CTIF: variants seen among roughly 807,000 people sequenced by gnomAD.
CTIF encodes the protein CBP80/20-dependent translation initiation factor.
A neutral mutation model predicts 66.0 loss-of-function variants in CTIF; 21 were observed. That is an observed-to-expected ratio of 0.32 (90% CI 0.23 to 0.46). The LOEUF is 0.46. Ranked by LOEUF, CTIF falls within the 20% of genes least tolerant of loss-of-function variation. CTIF has a pLI of 1.00. For synonymous variants in CTIF, 345 were observed against 326.4 expected (o/e 1.06, Z -0.62); for missense variants, 739 against 812.7 (o/e 0.91, Z 1.10).
chr18:48,734,708 A>G (rs1247897989), intron 7 of CTIF, among the ~76,000 whole-genome samples: 4 of 152,186 alleles, frequency 2.6e-5, no homozygotes, highest in African/African-American at 9.7e-5. Flanking sequence ...GACCTCACCC[A>G]CCTCATGACC....
intron 6 of CTIF, among the ~76,000 whole-genome samples, chr18:48,703,629 T>A (rs1413776454): frequency 1.3e-5 from 2 of 152,212 alleles, no homozygotes; most frequent in African/African-American, 2.4e-5. Flanking sequence ...TCAAAGATCA[T>A]GAGACTGTCA....
intron 8 of CTIF, chr18:48,760,663 T>C (rs1221214270): frequency 6.6e-6 from 1 of 152,156 alleles, no homozygotes; most frequent in Admixed American, 6.5e-5. Context: ...TACAATAAGA[T>C]GACATTTTTT....
chr18:48,861,857 T>C lies in CTIF; in HGVS notation c.*2298T>C, dbSNP rs2146709505. The stretch of plus-strand genomic sequence containing the variant: ...ACCAGAGTGTGAAGAAGAAGTGAAA[T>C]ATAAATATGTATACATATATAAATA... On this transcript the variant is annotated 3_prime_UTR_variant, in exon 12 of 12. Transcript: ENST00000256413. The C allele has an allele frequency of 6.6e-6, 1 of 152,236 alleles. No individual in the cohort carries two copies. The highest frequency in any genetic ancestry group is 2.1e-4 in the South Asian group (1 of 4,816). The allele number at this position is 152,236 out of a possible 1,614,324, so 9.4% of individuals were successfully genotyped here.
intron 1 of CTIF, among the ~76,000 whole-genome samples, chr18:48,552,257 A>G (rs116770973): frequency 9.3e-4 from 142 of 152,356 alleles, no homozygotes; most frequent in African/African-American, 3.3e-3. Flanking sequence ...AAGAAAAGCC[A>G]GTGACTTGGC....
intron 7 of CTIF, among the ~76,000 whole-genome samples, chr18:48,713,708 A>G (rs2092251902): frequency 6.6e-6 from 1 of 152,158 alleles, no homozygotes; most frequent in Non-Finnish European, 1.5e-5. Flanking sequence ...CGTGCCGTGA[A>G]ACTCATGAAA....
chr18:48,808,144 G>T (rs56248793), intron 9 of CTIF, among the ~76,000 whole-genome samples: 2,848 of 152,190 alleles, frequency 0.019, 103 homozygotes, highest in African/African-American at 0.066. Flanking sequence ...TACCAGCATT[G>T]ACAATTACCA....
intron 6 of CTIF, among the ~76,000 whole-genome samples, chr18:48,696,185 C>T (rs2092005149): frequency 1.3e-5 from 2 of 152,328 alleles, no homozygotes; most frequent in East Asian, 1.9e-4. Flanking sequence ...TGGCATGGGG[C>T]GGGGGGCTTA....
At position 48,809,127 on chromosome 18, in the gene CTIF, T is replaced by C. The variant is rs557051550; in HGVS notation, c.1372-8094T>C. On this transcript the variant is annotated intron_variant, in intron 9 of 11. Transcript: ENST00000256413. ...ATTTCTTAATAATGTCACTTAAGTA[T>C]TTTATTGCTTTATTAAATGAGCTTT... Among the ~76,000 whole-genome samples the C allele has an allele frequency of 2.0e-5, 3 of 152,348 alleles. 1 individual carries two copies. The highest frequency in any genetic ancestry group is 7.2e-5 in the African/African-American group (3 of 41,592).
intron 1 of CTIF, among the ~76,000 whole-genome samples, chr18:48,586,961 G>A (rs1568051895): frequency 6.6e-6 from 1 of 151,916 alleles, no homozygotes; most frequent in Non-Finnish European, 1.5e-5. Context: ...ACCCAGGTAA[G>A]TTCAACCTGT....
chr18:48,827,105 C>A (rs1468989437), intron 10 of CTIF, among the ~76,000 whole-genome samples: 1 of 152,110 alleles, frequency 6.6e-6, no homozygotes, highest in Non-Finnish European at 1.5e-5. Context: ...CGAGCCGTGG[C>A]CAGCTCCGGC....
intron 7 of CTIF, among the ~76,000 whole-genome samples, chr18:48,735,477 C>T (rs1363315432): frequency 2.6e-5 from 4 of 152,126 alleles, no homozygotes; most frequent in African/African-American, 4.8e-5. Flanking sequence ...GAGGGACAGC[C>T]GGCGCACAGG....
intron 6 of CTIF, among the ~76,000 whole-genome samples, chr18:48,692,162 A>C (rs1374291090): frequency 6.6e-6 from 1 of 152,168 alleles, no homozygotes; most frequent in African/African-American, 2.4e-5. Context: ...TGTCTCACTA[A>C]ATGAGACTTA....
chr18:48,746,527 C>T (rs2092597872), intron 7 of CTIF, among the ~76,000 whole-genome samples: 1 of 151,362 alleles, frequency 6.6e-6, no homozygotes, highest in African/African-American at 2.4e-5. Context: ...CTCTCTAGCT[C>T]TTGCCTGGTA....
chr18:48,588,092 C>T (rs1471812909), intron 1 of CTIF, among the ~76,000 whole-genome samples: 1 of 152,182 alleles, frequency 6.6e-6, no homozygotes, highest in African/African-American at 2.4e-5. Flanking sequence ...CAGAACTGAG[C>T]AACCCTTCGA....
intron 10 of CTIF, among the ~76,000 whole-genome samples, chr18:48,823,980 ACAC>A (rs2068533482): frequency 1.2e-5 from 1 of 81,678 alleles, no homozygotes; most frequent in African/African-American, 8.4e-5. Flanking sequence ...AAGACTCCAC[ACAC>A]ACACACACAC....
chr18:48,632,450 G>A (rs754198638), intron 2 of CTIF, among the ~76,000 whole-genome samples: 5 of 152,108 alleles, frequency 3.3e-5, no homozygotes, highest in Non-Finnish European at 5.9e-5. Flanking sequence ...CAGATCACCC[G>A]CTTTGCCTGC....
rs1452051513 is a variant in CTIF at position 48,539,287 on chromosome 18, G to A, written c.-54G>A. On this transcript the variant is annotated 5_prime_UTR_variant, in exon 1 of 12. Transcript: ENST00000256413. Reference sequence around the variant, plus strand: ...CTTCCCCCACCCCCGACTCGGGCTTGGCGCGGCGGCCAGAGGAACCCCGAG... The same window carrying A: ...CTTCCCCCACCCCCGACTCGGGCTTAGCGCGGCGGCCAGAGGAACCCCGAG... 2.0e-5 allele frequency: 3 copies of A among 151,008 alleles called. No homozygotes were observed. The highest frequency in any genetic ancestry group is 4.4e-5 in the Non-Finnish European group (3 of 67,826). 9.4% of individuals were successfully genotyped at this position (151,008 alleles called of 1,614,324 possible).
chr18:48,622,277 T>C (rs1488066459), intron 2 of CTIF, among the ~76,000 whole-genome samples: 1 of 151,770 alleles, frequency 6.6e-6, no homozygotes, highest in African/African-American at 2.4e-5. Context: ...GCTAGAAAGA[T>C]GGTGGGGGTG....
chr18:48,748,484 A>G lies in CTIF; in HGVS notation c.585-9435A>G, dbSNP rs534762467. 6.0e-4 allele frequency among the ~76,000 whole-genome samples: 92 copies of G among 152,268 alleles called. 2 individuals are homozygous for G. The South Asian group carries it at 0.019, about 31-fold the overall frequency. ...CAGAAGCCTAGAGGTGTGGGACAGC[A>G]TGGGATAATGGAGGCAGGCCCATTC... On this transcript the variant is annotated intron_variant, in intron 7 of 11. Transcript: ENST00000256413.
Sources: allele counts gnomAD v4.1 joint callset (sites outside exome capture counted in the v4.1 genomes callset), GRCh38; gene constraint gnomAD v4.1.1; transcripts MANE v1.5; gene names NCBI Gene and HGNC (gene_info 2026-07-23, HGNC 2026-07-21).